Variants in DCDC2 observed in about 807,000 individuals in gnomAD.
DCDC2 encodes doublecortin domain-containing protein 2.
DCDC2 carries 40 observed loss-of-function variants against 50.2 expected under a neutral mutation model. That is an observed-to-expected ratio of 0.80 (90% CI 0.62 to 1.04). DCDC2 has a LOEUF of 1.04. DCDC2 is among the 50% of genes least tolerant of loss of function. The pLI is 0.00. For synonymous variants in DCDC2, 234 were observed against 210.6 expected, an observed-to-expected ratio of 1.11 and a Z score of -0.96; for missense variants, 570 against 581.9, an observed-to-expected ratio of 0.98 and a Z score of 0.21.
intron 8 of DCDC2, among the ~76,000 whole-genome samples, chr6:24,182,634 A>AAAAAAAAAC (rs1554142851): frequency 1.1e-4 from 16 of 149,756 alleles, no homozygotes; most frequent in Non-Finnish European, 2.2e-4. Flanking sequence ...GACAAGAAAA[A>AAAAAAAAAC]AAAAAAAAAA....
chr6:24,292,710 C>T (rs1279728533), intron 4 of DCDC2, among the ~76,000 whole-genome samples: 2 of 152,174 alleles, frequency 1.3e-5, no homozygotes, highest in Non-Finnish European at 2.9e-5. Flanking sequence ...TCAAAAAACA[C>T]TTGACCAGGG....
intron 2 of DCDC2, among the ~76,000 whole-genome samples, chr6:24,311,382 C>T (rs990149535): frequency 6.6e-6 from 1 of 152,130 alleles, no homozygotes; most frequent in Non-Finnish European, 1.5e-5. Flanking sequence ...TAGTAAACAG[C>T]CTTATCTATA....
rs1760972587 is a variant in DCDC2, at chr6:24,178,378, G to C, written c.1278C>G (p.Val426=). 1.2e-6 allele frequency: 2 copies of C among 1,613,986 alleles called. No homozygotes were observed. Among genetic ancestry groups the C allele is most frequent in the African/African-American group, 2.7e-5 (2 of 74,888 alleles). Residue 426 remains valine (V), a synonymous_variant, in exon 9 of 10, where the codon GTC becomes GTG. Coordinates refer to ENST00000378454, the MANE Select transcript of DCDC2 (RefSeq NM_016356.5). ...CTTGAGACTTTCTTTCCTTGTCTAG[G>C]ACCAGTTGAAGCTCATTATTAACCT... The part of the protein sequence containing the change: ...LQQVNNELQL[V]LDKERKSQGA...
At chr6:24,266,927 GAATA>G (rs775618736) in intron 7 of DCDC2, among the ~76,000 whole-genome samples, 1 of 152,198 alleles carries the variant, frequency 6.6e-6, no homozygotes, top group South Asian at 2.1e-4. Context: ...ACAGATGAAT[GAATA>G]AAGAAAACGT....
Position 24,217,683 on chromosome 6 carries a change from T to C in DCDC2, c.923-12581A>G, listed in dbSNP as rs115599422. Among the ~76,000 whole-genome samples the C allele has an allele frequency of 2.4e-3, 368 of 152,334 alleles. 2 individuals carry two copies. The highest frequency in any genetic ancestry group is 4.2e-3 in the Non-Finnish European group (287 of 68,030). ...TTTAACTGTTCTAGAATTTTACAGATTAATGTGCTTTGACTTGCTTTAAAC... is the reference window on the plus strand; with the variant it reads ...TTTAACTGTTCTAGAATTTTACAGACTAATGTGCTTTGACTTGCTTTAAAC... On this transcript the variant is annotated intron_variant, in intron 7 of 9. Coordinates refer to ENST00000378454, the MANE Select transcript of DCDC2 (RefSeq NM_016356.5).
At chr6:24,383,059 G>T in the DCDC2 span, among the ~76,000 whole-genome samples, 2 of 152,302 alleles carry the variant, frequency 1.3e-5, no homozygotes, top group East Asian at 3.9e-4. Flanking sequence ...GGGCATGGTG[G>T]CTCATGCTTG....
At chr6:24,358,190 C>T (rs1760519254), upstream of DCDC2, 1 of 375,948 alleles carries the variant, frequency 2.7e-6, no homozygotes. Flanking sequence ...TCTGTGCTAC[C>T]CTTTCCAAAC....
At chr6:24,220,288 A>G (rs1581594156) in intron 7 of DCDC2, among the ~76,000 whole-genome samples, 1 of 152,224 alleles carries the variant, frequency 6.6e-6, no homozygotes, top group African/African-American at 2.4e-5. Context: ...TTGCACTTAA[A>G]ATTGGCATTG....
intron 2 of DCDC2, 114 bp downstream of exon 2, chr6:24,353,455 T>C (rs1760408542): frequency 1.5e-6 from 1 of 684,796 alleles, no homozygotes; most frequent in Non-Finnish European, 2.6e-6. Context: ...ATGTTCCATT[T>C]CTTTACATTA....
chr6:24,277,101 GTCTC>G (rs1302802619), intron 7 of DCDC2, among the ~76,000 whole-genome samples: 1 of 152,150 alleles, frequency 6.6e-6, no homozygotes, highest in East Asian at 1.9e-4. Context: ...AGTTCAAACT[GTCTC>G]CTCAGCTGTG....
At chr6:24,298,381 TGACA>T (rs1759306093) in intron 4 of DCDC2, among the ~76,000 whole-genome samples, 1 of 152,218 alleles carries the variant, frequency 6.6e-6, no homozygotes, top group Non-Finnish European at 1.5e-5. Flanking sequence ...GCAAAGGCCA[TGACA>T]GACAGTTCAG....
At chr6:24,246,490 T>TTC (rs1762677097) in intron 7 of DCDC2, among the ~76,000 whole-genome samples, 1 of 128,376 alleles carries the variant, frequency 7.8e-6, no homozygotes, top group Admixed American at 8.1e-5. Context: ...TTTTTTTTTT[T>TTC]TTTTTTTTTT....
At chr6:24,337,277 C>T (rs1000844863) in intron 2 of DCDC2, among the ~76,000 whole-genome samples, 1 of 152,158 alleles carries the variant, frequency 6.6e-6, no homozygotes, top group African/African-American at 2.4e-5. Flanking sequence ...AATCTCTTCA[C>T]ACTCTGTTGT....
At chr6:24,316,200 A>G (rs1408081825) in intron 2 of DCDC2, among the ~76,000 whole-genome samples, 1 of 152,188 alleles carries the variant, frequency 6.6e-6, no homozygotes, top group East Asian at 1.9e-4. Context: ...AGTCAGGGCT[A>G]GAGACACAGA....
At chr6:24,227,386 GT>G (rs1157591377) in intron 7 of DCDC2, among the ~76,000 whole-genome samples, 3 of 152,176 alleles carry the variant, frequency 2.0e-5, no homozygotes, top group Admixed American at 1.3e-4. Context: ...GACATTCCAG[GT>G]AGGAATTAGA....
At chr6:24,326,161 GAAGGA>G (rs1429020685) in intron 2 of DCDC2, among the ~76,000 whole-genome samples, 2 of 87,444 alleles carry the variant, frequency 2.3e-5, no homozygotes, top group Admixed American at 1.4e-4. Flanking sequence ...GGAAAGAGAG[GAAGGA>G]AAGGAAGGAA....
intron 6 of DCDC2, among the ~76,000 whole-genome samples, chr6:24,286,115 T>C (rs1763604323): frequency 6.6e-6 from 1 of 152,182 alleles, no homozygotes; most frequent in South Asian, 2.1e-4. Context: ...CCTGTGAAGT[T>C]AGGTTGCCTC....
intron 7 of DCDC2, among the ~76,000 whole-genome samples, chr6:24,219,913 C>A (rs572720135): frequency 6.6e-6 from 1 of 152,294 alleles, no homozygotes; most frequent in East Asian, 1.9e-4. Context: ...CACTTTCTAT[C>A]AAAACCAGAA....
the DCDC2 span, chr6:24,365,600 CT>C: frequency 1.3e-5 from 2 of 152,288 alleles, no homozygotes; most frequent in Non-Finnish European, 2.9e-5. Flanking sequence ...CCTAAAAATG[CT>C]TGTTCCATAC....
Sources: allele counts gnomAD v4.1 joint callset (sites outside exome capture counted in the v4.1 genomes callset), GRCh38; gene constraint gnomAD v4.1.1; transcripts MANE v1.5; gene names NCBI Gene and HGNC (gene_info 2026-07-23, HGNC 2026-07-21).